Variants in SLC22A14 observed in about 807,000 individuals in gnomAD.
SLC22A14 encodes the protein organic cation transporter-like 4.
In SLC22A14, 50 loss-of-function variants were observed where a neutral mutation model predicts 53.9. The ratio of observed to expected loss-of-function variants is 0.93; its 90% CI spans 0.74 to 1.17. SLC22A14 has a LOEUF of 1.17. Ranked by LOEUF, SLC22A14 falls within the 50% of genes most tolerant of loss-of-function variation. The pLI, the probability that SLC22A14 is intolerant of heterozygous loss-of-function variation, is 0.00. For missense variants in SLC22A14, 671 were observed against 734.7 expected (o/e 0.91, Z 1.00); for synonymous variants, 312 against 303.0 (o/e 1.03, Z -0.31).
At chr3:38,299,265 C>T (rs989151444) in intron 1 of SLC22A14, among the ~76,000 whole-genome samples, 2 of 152,176 alleles carry the variant, frequency 1.3e-5, no homozygotes, top group Admixed American at 6.5e-5. Context: ...AAAAGCTATA[C>T]TCAGAGAACA....
At position 38,285,192 on chromosome 3, in the gene SLC22A14, T is replaced by C. The variant is rs140236788; in HGVS notation, c.-1+2853T>C. On this transcript the variant is annotated intron_variant, in intron 1 of 10. Transcript: ENST00000448498. ...CAAGTAGTAGCAGGCAGAAGTTCAC[T>C]ACACTAAACAGGGGATACCCCCACC... Among the ~76,000 whole-genome samples, 137 of 152,078 alleles carry C rather than the reference T, an allele frequency of 9.0e-4. 2 individuals carry two copies. In the East Asian group the frequency reaches 0.025, roughly 27 times the overall value.
Position 38,315,639 on chromosome 3 carries a change from G to A in SLC22A14, c.1460G>A (p.Arg487Lys). 6.2e-7 allele frequency: 1 copy of A among 1,614,130 alleles called. No individual in the cohort carries two copies. The highest frequency in any genetic ancestry group is 1.1e-5 in the South Asian group (1 of 91,078). ...ATGACGATCTTGGTGCTCATGCTCA[G>A]AGAGTTCAGCCTGGCCGCCACTGTC... ...KSMTILVLML[R>K]EFSLAATVTV... The change falls in exon 9 of 11, where the codon AGA (arginine) becomes AAA (lysine). Residue 487 changes from arginine to lysine, a missense_variant. Coordinates refer to ENST00000448498, the MANE Select transcript of SLC22A14 (RefSeq NM_001320033.2).
chr3:38,313,030 A>T lies in SLC22A14; in HGVS notation c.976A>T (p.Met326Leu). 1 of 1,591,040 alleles carries T rather than the reference A, an allele frequency of 6.3e-7. No individual in the cohort carries two copies. ...CCCGGAGTCCCCGCGGTGGCTGATG[A>T]TGAAAGGGAAGGTGAAGGAGGCCAA... ...ILPESPRWLM[M>L]KGKVKEAKQV... Residue 326 changes from methionine (M) to leucine (L), a missense_variant, in exon 6 of 11, where the codon ATG (methionine) becomes TTG (leucine). Transcript: ENST00000448498.
upstream of SLC22A14, among the ~76,000 whole-genome samples, chr3:38,281,307 AT>A (rs1020383304): frequency 2.6e-5 from 4 of 151,590 alleles, no homozygotes; most frequent in Non-Finnish European, 2.9e-5. Flanking sequence ...AATTCTTTTA[AT>A]TTTTTTTTGT....
At chr3:38,301,178 C>T (rs1296182290) in intron 1 of SLC22A14, among the ~76,000 whole-genome samples, 2 of 152,140 alleles carry the variant, frequency 1.3e-5, no homozygotes, top group Non-Finnish European at 2.9e-5. Context: ...AGAAGCCAGC[C>T]AAAGACTAAT....
At chr3:38,314,832 C>T (rs1704576624) in intron 8 of SLC22A14, among the ~76,000 whole-genome samples, 1 of 152,208 alleles carries the variant, frequency 6.6e-6, no homozygotes, top group Non-Finnish European at 1.5e-5. Context: ...TACACTGAGT[C>T]AAGCAGCAAT....
In SLC22A14 at chr3:38,306,031, C is replaced by A. The variant is rs1342373323; in HGVS notation, c.5C>A (p.Ala2Glu). 3.1e-6 allele frequency: 5 copies of A among 1,608,674 alleles called. No homozygotes were observed. Among genetic ancestry groups the A allele is most frequent in the Non-Finnish European group, 4.2e-6 (5 of 1,176,972 alleles). ...CTGCACCCTTTCTTTGGACAGATGG[C>A]AGGAGAGGAGAACTTCAAGGAAGAG... Reference protein sequence around the residue: MAGEENFKEELR... With the variant: MEGEENFKEELR... The change falls in exon 2 of 11, where the codon GCA becomes GAA. Residue 2 changes from alanine to glutamate, a missense_variant. By Grantham distance (107) the Ala-to-Glu change is moderately radical. Transcript: ENST00000448498.
intron 4 of SLC22A14, chr3:38,308,115 C>CA (rs11388521): frequency 0.74 from 101,800 of 137,786 alleles, 38,226 homozygotes; most frequent in Non-Finnish European, 0.8. Context: ...AAAGGCCAGG[C>CA]AAAAGAAAAA....
chr3:38,295,174 G>T (rs912734454), intron 1 of SLC22A14, among the ~76,000 whole-genome samples: 3 of 152,180 alleles, frequency 2.0e-5, no homozygotes, highest in African/African-American at 4.8e-5. Flanking sequence ...GGTCTTGTCA[G>T]ATCTTTGTAC....
chr3:38,317,432 G>C (rs1704653420), intron 10 of SLC22A14, among the ~76,000 whole-genome samples: 1 of 152,250 alleles, frequency 6.6e-6, no homozygotes, highest in Non-Finnish European at 1.5e-5. Context: ...GGATATACAG[G>C]ATCTGTAGGA....
In SLC22A14 at chr3:38,313,800, C is replaced by T. The variant is rs1294567870; in HGVS notation, c.1237C>T (p.His413Tyr). 1 of 1,613,724 alleles carries T rather than the reference C, an allele frequency of 6.2e-7. No individual in the cohort carries two copies. Among genetic ancestry groups the T allele is most frequent in the African/African-American group, 1.3e-5 (1 of 74,890 alleles). Residue 413 changes from histidine to tyrosine, a missense_variant, in exon 8 of 11, where the codon CAC becomes TAC. Coordinates refer to ENST00000448498, the MANE Select transcript of SLC22A14 (RefSeq NM_001320033.2). The stretch of plus-strand genomic sequence containing the variant: ...GCTGGGCGTGAGCGTCCACTTCAGA[C>T]ACGTGGTCCCCAGCATCATGGAGGT... ...RELGVSVHFR[H>Y]VVPSIMEVPA...
At chr3:38,283,089 A>C (rs1055792547) in intron 1 of SLC22A14, among the ~76,000 whole-genome samples, 1 of 152,066 alleles carries the variant, frequency 6.6e-6, no homozygotes, top group Non-Finnish European at 1.5e-5. Context: ...AGCCTCCTGC[A>C]TTCCTTGGCT....
chr3:38,304,362 G>A (rs140837426), intron 1 of SLC22A14, among the ~76,000 whole-genome samples: 211 of 151,688 alleles, frequency 1.4e-3, no homozygotes, highest in African/African-American at 4.9e-3. Context: ...AATATTCTTC[G>A]CTCTCCTGGT....
intron 1 of SLC22A14, among the ~76,000 whole-genome samples, chr3:38,299,764 G>T (rs1440697811): frequency 6.6e-6 from 1 of 152,056 alleles, no homozygotes; most frequent in Non-Finnish European, 1.5e-5. Flanking sequence ...GTCTTATTTT[G>T]TTGGCCAGGC....
chr3:38,314,085 C>T lies in SLC22A14; in HGVS notation c.1378+144C>T, dbSNP rs550923054. 8 of 642,106 alleles carry T rather than the reference C, an allele frequency of 1.2e-5. No homozygotes were observed. The East Asian group carries it at 1.9e-4, about 15-fold the overall frequency. The allele number at this position is 642,106 out of a possible 1,614,324, so 39.8% of individuals were successfully genotyped here. On this transcript the variant is annotated intron_variant, in intron 8 of 10. Transcript: ENST00000448498. ...TATAGCCCACCCACCCCACAGAGGC[C>T]CCAGCACCTCCAATCCCTGGAGCAC...
intron 1 of SLC22A14, among the ~76,000 whole-genome samples, chr3:38,297,107 A>G (rs1290523160): frequency 6.6e-6 from 1 of 151,996 alleles, no homozygotes; most frequent in Non-Finnish European, 1.5e-5. Flanking sequence ...TATCCTGATC[A>G]TTTTCCCTCC....
chr3:38,285,147 G>A (rs1488471741), intron 1 of SLC22A14, among the ~76,000 whole-genome samples: 1 of 152,156 alleles, frequency 6.6e-6, no homozygotes, highest in Non-Finnish European at 1.5e-5. Context: ...ATGAGTTTTG[G>A]CTGTGGAAAA....
At chr3:38,289,551 T>C (rs1265689933) in intron 1 of SLC22A14, among the ~76,000 whole-genome samples, 3 of 152,186 alleles carry the variant, frequency 2.0e-5, no homozygotes, top group Non-Finnish European at 2.9e-5. Context: ...TCTTGGGCCA[T>C]GCGGTGAATG....
At chr3:38,284,542 A>T (rs1272443879) in intron 1 of SLC22A14, among the ~76,000 whole-genome samples, 1 of 152,228 alleles carries the variant, frequency 6.6e-6, no homozygotes, top group African/African-American at 2.4e-5. Context: ...GAATGCTGGG[A>T]ATGTGCAGGG....
Sources: gnomAD v4.1 joint callset for allele counts (sites outside exome capture counted in the v4.1 genomes callset) on GRCh38, gnomAD v4.1.1 for gene constraint, MANE v1.5 for transcripts, NCBI Gene and HGNC (gene_info 2026-07-23, HGNC 2026-07-21) for gene names.